Variants in KCNMB2 observed in about 807,000 individuals in gnomAD.
The protein encoded by KCNMB2 is calcium-activated potassium channel subunit beta-2.
KCNMB2 carries 9 observed loss-of-function variants against 24.5 expected under a neutral mutation model. That is an observed-to-expected ratio of 0.37 (90% CI 0.22 to 0.64). The LOEUF is 0.64. KCNMB2 is among the 30% of genes least tolerant of loss of function. The pLI is 0.63. For missense variants in KCNMB2, 226 were observed against 284.3 expected (o/e 0.79, Z 1.47); for synonymous variants, 109 against 104.4 (o/e 1.04, Z -0.27).
intron 1 of KCNMB2, chr3:178,757,235 C>T (rs1267642999): frequency 7.0e-6 from 1 of 142,480 alleles, no homozygotes; most frequent in Non-Finnish European, 1.5e-5. Context: ...AATTGTGGTA[C>T]ACACATACAC....
chr3:178,810,582 A>T lies in KCNMB2; in HGVS notation c.56+3117A>T, dbSNP rs377317460. Among the ~76,000 whole-genome samples, 51 of 152,292 alleles carry T rather than the reference A, an allele frequency of 3.3e-4. 1 individual carries two copies. The South Asian group carries it at 0.01, about 31-fold the overall frequency. ...AGTTTTACTTTTTTTTCCTTATTTT[A>T]ATTCCAAGCCAGATCTTTTTCTGAT... On this transcript the variant is annotated intron_variant, in intron 2 of 4. Coordinates refer to ENST00000452583, the MANE Select transcript of KCNMB2 (RefSeq NM_181361.3).
intron 1 of KCNMB2, among the ~76,000 whole-genome samples, chr3:178,758,523 G>GATATAT (rs1333906601): frequency 0.021 from 403 of 19,584 alleles, 27 homozygotes; most frequent in Non-Finnish European, 0.03. Flanking sequence ...TCCAAGAGGA[G>GATATAT]ATGTATATAT....
At chr3:178,668,362 A>G (rs1170937839) in intron 1 of KCNMB2, among the ~76,000 whole-genome samples, 7 of 152,136 alleles carry the variant, frequency 4.6e-5, no homozygotes. Flanking sequence ...TGTGTATTGA[A>G]TACAGGAGCC....
chr3:178,538,561 A>AT (rs1715483705), intron 1 of KCNMB2, among the ~76,000 whole-genome samples: 1 of 152,234 alleles, frequency 6.6e-6, no homozygotes, highest in Admixed American at 6.5e-5. Context: ...ATCTAATTGC[A>AT]TCAAGTATTT....
At chr3:178,754,728 C>T (rs551903206) in intron 1 of KCNMB2, among the ~76,000 whole-genome samples, 53 of 152,252 alleles carry the variant, frequency 3.5e-4, no homozygotes, top group African/African-American at 1.1e-3. Flanking sequence ...AGCATGAAGG[C>T]GAAGTGACTT....
chr3:178,569,362 T>TA lies in KCNMB2; in HGVS notation c.-68+32651_-68+32652insA, dbSNP rs1453683070. Among the ~76,000 whole-genome samples the TA allele has an allele frequency of 1.5e-3, 228 of 152,294 alleles. 2 individuals are homozygous for TA. Among genetic ancestry groups the TA allele is most frequent in the African/African-American group, 5.3e-3 (222 of 41,570 alleles). On this transcript the variant is annotated intron_variant, in intron 1 of 4. Transcript: ENST00000452583. ...GCACATTCTAATTTACCACCTCGGT[T>TA]CATGTAACCACATCTGCGGTGTAGA...
chr3:178,819,055 G>A (rs997543936), intron 2 of KCNMB2, among the ~76,000 whole-genome samples: 2 of 152,192 alleles, frequency 1.3e-5, no homozygotes, highest in African/African-American at 4.8e-5. Flanking sequence ...CTTTGAGCTT[G>A]TAAATCATAG....
chr3:178,653,544 C>T (rs1490301679), intron 1 of KCNMB2, among the ~76,000 whole-genome samples: 2 of 152,042 alleles, frequency 1.3e-5, no homozygotes, highest in African/African-American at 4.8e-5. Context: ...TTGCTCTAGC[C>T]TTTTGATATG....
chr3:178,780,053 TAAAAAA>T (rs11406849), intron 1 of KCNMB2, among the ~76,000 whole-genome samples: 20,154 of 134,056 alleles, frequency 0.15, 1,670 homozygotes, highest in Admixed American at 0.2. Context: ...TTGTTTTTTT[TAAAAAA>T]AAAAAAAAAA....
intron 1 of KCNMB2, among the ~76,000 whole-genome samples, chr3:178,668,074 T>C (rs2108579157): frequency 6.6e-6 from 1 of 152,298 alleles, no homozygotes; most frequent in South Asian, 2.1e-4. Context: ...AGAGAACTCA[T>C]TAATAAGACA....
chr3:178,830,840 G>A (rs1448204425), intron 4 of KCNMB2, among the ~76,000 whole-genome samples: 2 of 152,118 alleles, frequency 1.3e-5, no homozygotes, highest in Non-Finnish European at 2.9e-5. Context: ...TTGGTTATAT[G>A]TGTTGTAAAT....
intron 1 of KCNMB2, among the ~76,000 whole-genome samples, chr3:178,710,409 T>A (rs1722413863): frequency 6.6e-6 from 1 of 152,166 alleles, no homozygotes; most frequent in African/African-American, 2.4e-5. Flanking sequence ...AGTCTAGGAC[T>A]TTGGAGAGAA....
At chr3:178,660,678 T>C (rs773846905) in intron 1 of KCNMB2, among the ~76,000 whole-genome samples, 2 of 152,178 alleles carry the variant, frequency 1.3e-5, no homozygotes, top group Non-Finnish European at 2.9e-5. Context: ...GTTTGGTGAA[T>C]GTTATTTTAC....
intron 1 of KCNMB2, among the ~76,000 whole-genome samples, chr3:178,620,941 C>T (rs1718900207): frequency 6.6e-6 from 1 of 152,148 alleles, no homozygotes; most frequent in African/African-American, 2.4e-5. Flanking sequence ...AGACCCAAAG[C>T]AGTTTGAAGC....
chr3:178,774,049 G>A (rs1452313495), intron 1 of KCNMB2, among the ~76,000 whole-genome samples: 3 of 152,162 alleles, frequency 2.0e-5, no homozygotes, highest in African/African-American at 7.2e-5. Context: ...AATTTTTAAT[G>A]GTAGCATCCT....
At chr3:178,836,722 T>C (rs749823017) in intron 4 of KCNMB2, among the ~76,000 whole-genome samples, 68 of 152,172 alleles carry the variant, frequency 4.5e-4, no homozygotes, top group Non-Finnish European at 8.8e-4. Context: ...ATTGTATATA[T>C]AAAATTATTA....
chr3:178,631,276 AT>A (rs1455563536), intron 1 of KCNMB2, among the ~76,000 whole-genome samples: 1 of 152,166 alleles, frequency 6.6e-6, no homozygotes, highest in Non-Finnish European at 1.5e-5. Context: ...ACTTTCTGAA[AT>A]TCCTGGTAAA....
intron 1 of KCNMB2, among the ~76,000 whole-genome samples, chr3:178,688,688 G>GA (rs1202923319): frequency 1.1e-4 from 16 of 151,936 alleles, no homozygotes; most frequent in Non-Finnish European, 8.8e-5. Context: ...TCTAGTGTTT[G>GA]CTTTTTTTTT....
intron 1 of KCNMB2, among the ~76,000 whole-genome samples, chr3:178,743,996 CATAT>C (rs1553772719): frequency 6.6e-6 from 1 of 152,162 alleles, no homozygotes; most frequent in Non-Finnish European, 1.5e-5. Context: ...AGGGTATAGG[CATAT>C]GACCCTCAAG....
Sources: gnomAD v4.1 joint callset for allele counts (sites outside exome capture counted in the v4.1 genomes callset) on GRCh38, gnomAD v4.1.1 for gene constraint, MANE v1.5 for transcripts, NCBI Gene and HGNC (gene_info 2026-07-23, HGNC 2026-07-21) for gene names.